Variants in PXDNL observed in about 807,000 individuals in gnomAD.
PXDNL encodes the protein probable oxidoreductase PXDNL.
In PXDNL, 145 loss-of-function variants were observed where a neutral mutation model predicts 150.8. That is an observed-to-expected ratio of 0.96 (90% CI 0.84 to 1.10). The LOEUF (loss-of-function observed/expected upper bound fraction) is 1.10, where lower values mean the gene tolerates loss of function less well. Ranked by LOEUF, PXDNL falls within the 50% of genes least tolerant of loss-of-function variation. The pLI, the probability that PXDNL is intolerant of heterozygous loss-of-function variation, is 0.00. For missense variants in PXDNL, 2,087 were observed against 1,873.9 expected (o/e 1.11, Z -2.10); for synonymous variants, 757 against 725.7 (o/e 1.04, Z -0.69).
rs1809733822 is a variant in PXDNL at position 51,448,596 on chromosome 8, A to T, written c.1366+406T>A. Among the ~76,000 whole-genome samples, 4 of 152,172 alleles carry T rather than the reference A, an allele frequency of 2.6e-5. No individual in the cohort carries two copies. The South Asian group carries it at 8.3e-4, about 32-fold the overall frequency. On this transcript the variant is annotated intron_variant, in intron 11 of 22. Transcript: ENST00000356297. ...GGCGGGCACCTGTAGTCCCAGCTAC[A>T]GGCTGAGGCAGAAGAATGGCGTGAA...
intron 2 of PXDNL, among the ~76,000 whole-genome samples, chr8:51,627,638 T>A (rs1351325799): frequency 2.0e-5 from 3 of 152,216 alleles, no homozygotes; most frequent in South Asian, 4.1e-4. Flanking sequence ...ACCAACTTCG[T>A]CAGAACTCTA....
intron 1 of PXDNL, among the ~76,000 whole-genome samples, chr8:51,666,219 C>G (rs1815382739): frequency 6.6e-6 from 1 of 152,120 alleles, no homozygotes; most frequent in Non-Finnish European, 1.5e-5. Context: ...AGCTCCCTTC[C>G]TTTTTAAGCT....
intron 8 of PXDNL, among the ~76,000 whole-genome samples, chr8:51,469,744 T>C (rs1352564767): frequency 6.6e-6 from 1 of 152,116 alleles, no homozygotes; most frequent in Admixed American, 6.5e-5. Context: ...CCACACTTTA[T>C]GCTCCATGCA....
chr8:51,470,615 C>T (rs1449786693), intron 8 of PXDNL, among the ~76,000 whole-genome samples: 2 of 151,934 alleles, frequency 1.3e-5, no homozygotes, highest in African/African-American at 4.8e-5. Context: ...ATGTTAACTA[C>T]CAGTTCAGTT....
At chr8:51,791,882 GGTGA>G (rs2037516649) in intron 1 of PXDNL, among the ~76,000 whole-genome samples, 1 of 151,894 alleles carries the variant, frequency 6.6e-6, no homozygotes, top group Non-Finnish European at 1.5e-5. Flanking sequence ...TAGATGCCCG[GGTGA>G]GTAAGATTTA....
chr8:51,328,941 C>T (rs931323370), intron 21 of PXDNL, among the ~76,000 whole-genome samples: 1 of 152,136 alleles, frequency 6.6e-6, no homozygotes, highest in African/African-American at 2.4e-5. Context: ...AATCCTAAAA[C>T]AAACTGGGAA....
At position 51,408,825 on chromosome 8, in the gene PXDNL, T is replaced by C; in HGVS notation, c.2799A>G (p.Leu933=). The C allele has an allele frequency of 6.4e-7, 1 of 1,571,902 alleles. No homozygotes were observed. Residue 933 remains leucine (L), a synonymous_variant, in exon 17 of 23, where the codon TTA becomes TTG. Coordinates refer to ENST00000356297, the MANE Select transcript of PXDNL (RefSeq NM_144651.5). ...GFPWPPSGKP[L]LPFSTGPPTE... Reference sequence around the variant, plus strand: ...TGGGTGGGCCTGTAGAAAAGGGCAATAAGGGCTTTCCGGAGGGAGGCCAAG... The same window carrying C: ...TGGGTGGGCCTGTAGAAAAGGGCAACAAGGGCTTTCCGGAGGGAGGCCAAG...
intron 1 of PXDNL, among the ~76,000 whole-genome samples, chr8:51,662,089 A>T (rs982203078): frequency 2.0e-5 from 3 of 152,114 alleles, no homozygotes; most frequent in African/African-American, 7.2e-5. Context: ...GACCAAGGAG[A>T]GCTGAGACTT....
At chr8:51,637,105 A>T (rs1391657997) in intron 2 of PXDNL, among the ~76,000 whole-genome samples, 1 of 152,190 alleles carries the variant, frequency 6.6e-6, no homozygotes, top group Non-Finnish European at 1.5e-5. Flanking sequence ...CCTCCAGGAA[A>T]CTCCAACAGA....
In PXDNL at chr8:51,413,131, G is replaced by A. The variant is rs6983918; in HGVS notation, c.1904+19C>T. 0.017 allele frequency: 23,817 copies of A among 1,388,498 alleles called. 2,975 individuals are homozygous for A. In the African/African-American group the frequency reaches 0.29, roughly 17 times the overall value. 86.0% of individuals were successfully genotyped at this position (1,388,498 alleles called of 1,614,324 possible). On this transcript the variant is annotated intron_variant, in intron 15 of 22. Coordinates refer to ENST00000356297, the MANE Select transcript of PXDNL (RefSeq NM_144651.5). ...AGAAATGAAAACAAGGTTTCAATCT[G>A]TGTAAAATAAATTCTTACTGTGAAA...
intron 1 of PXDNL, among the ~76,000 whole-genome samples, chr8:51,670,277 A>C (rs1195881843): frequency 1.3e-5 from 2 of 152,270 alleles, no homozygotes; most frequent in African/African-American, 4.8e-5. Flanking sequence ...TTCAGTTGGA[A>C]GAATTACATG....
intron 2 of PXDNL, among the ~76,000 whole-genome samples, chr8:51,628,490 C>CT (rs1814415297): frequency 6.9e-6 from 1 of 143,892 alleles, no homozygotes; most frequent in Non-Finnish European, 1.5e-5. Flanking sequence ...ACTGCAACCT[C>CT]TAACTCCTGG....
intron 21 of PXDNL, among the ~76,000 whole-genome samples, chr8:51,326,185 G>T (rs1586001101): frequency 6.6e-6 from 1 of 152,258 alleles, no homozygotes; most frequent in Admixed American, 6.5e-5. Context: ...ATATCCAGGG[G>T]TTGTAGCTGT....
intron 1 of PXDNL, among the ~76,000 whole-genome samples, chr8:51,791,028 T>C (rs2037508501): frequency 6.6e-6 from 1 of 152,044 alleles, no homozygotes; most frequent in Admixed American, 6.6e-5. Context: ...TTCGAATAGT[T>C]CCTGGTACAT....
At chr8:51,517,422 A>G (rs548785242) in intron 4 of PXDNL, among the ~76,000 whole-genome samples, 1 of 152,334 alleles carries the variant, frequency 6.6e-6, no homozygotes, top group African/African-American at 2.4e-5. Context: ...TTTAAAACCA[A>G]TAATAATGGT....
At chr8:51,451,180 A>T (rs1348620373) in intron 10 of PXDNL, among the ~76,000 whole-genome samples, 7 of 151,702 alleles carry the variant, frequency 4.6e-5, no homozygotes, top group Non-Finnish European at 7.4e-5. Context: ...TTTAATAATA[A>T]TTAAAGTTCA....
chr8:51,461,412 G>A (rs186596098), intron 8 of PXDNL, among the ~76,000 whole-genome samples: 2 of 152,362 alleles, frequency 1.3e-5, no homozygotes, highest in East Asian at 1.9e-4. Context: ...GGTGCAGAAG[G>A]CTTGGGATAA....
chr8:51,384,954 A>G (rs1283734133), intron 17 of PXDNL, among the ~76,000 whole-genome samples: 1 of 152,158 alleles, frequency 6.6e-6, no homozygotes, highest in African/African-American at 2.4e-5. Flanking sequence ...ATTAAGAAAC[A>G]GAATAAAATC....
chr8:51,593,902 T>A (rs1034450016), intron 2 of PXDNL, among the ~76,000 whole-genome samples: 1 of 152,184 alleles, frequency 6.6e-6, no homozygotes, highest in African/African-American at 2.4e-5. Context: ...CAATGAGCCA[T>A]TCAACTTTAT....
Sources: gnomAD v4.1 joint callset for allele counts (sites outside exome capture counted in the v4.1 genomes callset) on GRCh38, gnomAD v4.1.1 for gene constraint, MANE v1.5 for transcripts, NCBI Gene and HGNC (gene_info 2026-07-23, HGNC 2026-07-21) for gene names.